The following PUDP variants were observed in gnomAD, a reference collection of about 807,000 sequenced individuals.
The protein encoded by PUDP is pseudouridine-5'-phosphatase.
A neutral mutation model predicts 9.4 loss-of-function variants in PUDP; 8 were observed. The observed-to-expected ratio is 0.85, with a 90% CI of 0.50 to 1.53. The LOEUF is 1.53. Ranked by LOEUF, PUDP falls within the 40% of genes most tolerant of loss-of-function variation. PUDP has a pLI of 0.00. For missense variants in PUDP, 188 were observed against 189.7 expected (o/e 0.99, Z 0.05); for synonymous variants, 99 against 80.7 (o/e 1.23, Z -1.22).
chrX:6,939,323 AT>A (rs1301748597), intron 3 of PUDP, among the ~76,000 whole-genome samples: 1 of 107,131 alleles, frequency 9.3e-6, no homozygotes, highest in Non-Finnish European at 1.9e-5. Flanking sequence ...TTTAATAATT[AT>A]TTAATATCTA....
At chrX:6,795,845 A>G (rs1925835873) in intron 3 of PUDP, among the ~76,000 whole-genome samples, 1 of 111,667 alleles carries the variant, frequency 9.0e-6, no homozygotes, top group East Asian at 2.8e-4. Flanking sequence ...GGTATAACCA[A>G]CCAAGCCCAT....
rs184839034 is a variant in PUDP, at chrX:6,745,078, G to A, written c.*248-38612C>T. ...GCTTTTTGCCTGTTTACATAGTCCTGCTCGAAAATTGCAGCATGATGGCAG... is the reference window on the plus strand; with the variant it reads ...GCTTTTTGCCTGTTTACATAGTCCTACTCGAAAATTGCAGCATGATGGCAG... On this transcript the variant is annotated intron_variant and NMD_transcript_variant, in intron 3 of 3. Coordinates refer to the PUDP transcript ENST00000655425. Among the ~76,000 whole-genome samples the A allele has an allele frequency of 4.4e-3, 485 of 111,493 alleles. 2 individuals carry two copies. The highest frequency in any genetic ancestry group is 0.015 in the African/African-American group (449 of 30,676).
intron 3 of PUDP, among the ~76,000 whole-genome samples, chrX:6,784,359 C>T (rs761447056): frequency 9.0e-6 from 1 of 111,602 alleles, no homozygotes; most frequent in Non-Finnish European, 1.9e-5. Flanking sequence ...TTGGATTATA[C>T]AAACAGACAT....
intron 3 of PUDP, among the ~76,000 whole-genome samples, chrX:6,870,736 T>A (rs948421341): frequency 2.7e-5 from 3 of 112,629 alleles, no homozygotes; most frequent in African/African-American, 9.7e-5. Context: ...ACTTTCACCA[T>A]ATTCTATTGT....
At chrX:7,032,929 C>T (rs1469618126) in intron 1 of PUDP, among the ~76,000 whole-genome samples, 2 of 111,769 alleles carry the variant, frequency 1.8e-5, no homozygotes, top group Admixed American at 9.5e-5. Context: ...GTAAGTATTG[C>T]TCCTGGGTGT....
At chrX:6,822,672 G>A (rs1379777748) in intron 3 of PUDP, among the ~76,000 whole-genome samples, 3 of 104,057 alleles carry the variant, frequency 2.9e-5, no homozygotes, top group Non-Finnish European at 5.8e-5. Flanking sequence ...TGATCCACCC[G>A]CCTCGGCCTC....
At chrX:6,939,915 G>A (rs1928375202) in intron 3 of PUDP, among the ~76,000 whole-genome samples, 1 of 111,814 alleles carries the variant, frequency 8.9e-6, no homozygotes, top group Admixed American at 9.5e-5. Context: ...CTGGATAGCT[G>A]TTAAAGAAGG....
intron 3 of PUDP, among the ~76,000 whole-genome samples, chrX:6,893,707 C>T (rs1188942355): frequency 9.0e-6 from 1 of 111,341 alleles, no homozygotes; most frequent in Non-Finnish European, 1.9e-5. Context: ...AAATTTAGAG[C>T]CCTACAGAAA....
At chrX:6,710,630 C>T (rs372285399) in intron 1 of PUDP, among the ~76,000 whole-genome samples, 20 of 111,882 alleles carry the variant, frequency 1.8e-4, no homozygotes, top group African/African-American at 5.5e-4. Context: ...ACTATTAACA[C>T]CATCTGTTCA....
Position 7,147,894 on chromosome X carries a change from A to C in PUDP, c.61+159T>G, listed in dbSNP as rs1439053979. ...CGCGGGCGCTCCTGGCCGCCGCCCG[A>C]CTTCGGGGCCAGCCGGGGGCAGAGC... On this transcript the variant is annotated intron_variant, in intron 1 of 3. Coordinates refer to ENST00000381077, the MANE Select transcript of PUDP (RefSeq NM_012080.5). The C allele has an allele frequency of 2.7e-5, 8 of 295,417 alleles. 1 individual carries two copies. Among genetic ancestry groups the C allele is most frequent in the Non-Finnish European group, 4.6e-5 (8 of 174,138 alleles). The allele number at this position is 295,417 out of a possible 1,213,427, so 24.3% of individuals were successfully genotyped here. A position where few individuals can be genotyped will look rare whatever the true frequency, so the allele number is the denominator to read the frequency against.
intron 3 of PUDP, among the ~76,000 whole-genome samples, chrX:6,851,594 G>T (rs72609559): frequency 0.12 from 13,553 of 110,859 alleles, 879 homozygotes; most frequent in East Asian, 0.46. Flanking sequence ...TCCTAGTTAC[G>T]ATAATTACAG....
chrX:6,978,885 C>G (rs900720059), intron 1 of PUDP, among the ~76,000 whole-genome samples: 1 of 111,655 alleles, frequency 9.0e-6, no homozygotes, highest in Non-Finnish European at 1.9e-5. Context: ...CTCAGGACAT[C>G]CAGATGTGGA....
chrX:6,984,054 C>G (rs1357274385), intron 1 of PUDP, among the ~76,000 whole-genome samples: 2 of 112,349 alleles, frequency 1.8e-5, no homozygotes, highest in Non-Finnish European at 3.8e-5. Flanking sequence ...CGTCAAGAAC[C>G]TGGACACCCT....
chrX:7,095,908 T>C (rs1309757926), intron 2 of PUDP, among the ~76,000 whole-genome samples: 1 of 111,968 alleles, frequency 8.9e-6, no homozygotes, highest in Non-Finnish European at 1.9e-5. Context: ...AGTGTGGACA[T>C]ATGAAAATCT....
intron 3 of PUDP, among the ~76,000 whole-genome samples, chrX:6,736,032 CAAAAA>C (rs35503536): frequency 1.1e-5 from 1 of 88,243 alleles, no homozygotes. Flanking sequence ...GACTTTGTCT[CAAAAA>C]AAAAAAAAAG....
chrX:6,867,076 T>C lies in PUDP; in HGVS notation c.*247+110057A>G, dbSNP rs779938296. On this transcript the variant is annotated intron_variant and NMD_transcript_variant, in intron 3 of 3. Transcript: ENST00000655425. Reference sequence around the variant, plus strand: ...CTTTTCATTGCTCTCCAGAAGGCACTAGTAGTATTCCAAGATACCTGCCTA... The same window carrying C: ...CTTTTCATTGCTCTCCAGAAGGCACCAGTAGTATTCCAAGATACCTGCCTA... 1.1e-4 allele frequency among the ~76,000 whole-genome samples: 12 copies of C among 111,275 alleles called. No homozygotes were observed. The East Asian group carries it at 3.4e-3, about 32-fold the overall frequency.
Position 6,834,963 on chromosome X carries a change from C to T in PUDP, c.*248-128497G>A, listed in dbSNP as rs780124581. Reference sequence around the variant, plus strand: ...AATTAAGTTTCCGACACATGCTTTTCGGGGGACGCATTCAAACCATAGCAA... The same window carrying T: ...AATTAAGTTTCCGACACATGCTTTTTGGGGGACGCATTCAAACCATAGCAA... On this transcript the variant is annotated intron_variant and NMD_transcript_variant, in intron 3 of 3. Coordinates refer to the PUDP transcript ENST00000655425. Among the ~76,000 whole-genome samples the T allele has an allele frequency of 7.6e-4, 85 of 111,176 alleles. 1 individual carries two copies. The highest frequency in any genetic ancestry group is 2.7e-3 in the African/African-American group (82 of 30,618).
At chrX:6,723,564 TATTAC>T (rs1287773824), upstream of PUDP, among the ~76,000 whole-genome samples, 1 of 108,519 alleles carries the variant, frequency 9.2e-6, no homozygotes, top group African/African-American at 3.4e-5. Flanking sequence ...GATGTATGCA[TATTAC>T]ATAAAAATGT....
intron 1 of PUDP, among the ~76,000 whole-genome samples, chrX:7,147,552 C>T (rs1354010677): frequency 1.8e-5 from 2 of 112,298 alleles, no homozygotes; most frequent in African/African-American, 6.5e-5. Flanking sequence ...CGCTACCATG[C>T]AGGATGCTAC....
Sources: allele counts gnomAD v4.1 joint callset (sites outside exome capture counted in the v4.1 genomes callset), GRCh38; gene constraint gnomAD v4.1.1; transcripts MANE v1.5; gene names NCBI Gene and HGNC (gene_info 2026-07-23, HGNC 2026-07-21).